The following RBFOX1 variants were observed in gnomAD, a reference collection of about 807,000 sequenced individuals.
The protein encoded by RBFOX1 is RNA binding protein fox-1 homolog 1.
Under a neutral mutation model 57.7 loss-of-function variants are expected in RBFOX1, and 8 were observed. The observed-to-expected ratio is 0.14, with a 90% CI of 0.08 to 0.25. The LOEUF (loss-of-function observed/expected upper bound fraction) is 0.25. Ranked by LOEUF, RBFOX1 falls within the 10% of genes least tolerant of loss-of-function variation. The pLI is 1.00. For missense variants in RBFOX1, 611 were observed against 548.5 expected, an observed-to-expected ratio of 1.11 and a Z score of -1.14; for synonymous variants, 326 against 222.4, an observed-to-expected ratio of 1.47 and a Z score of -4.15.
intron 3 of RBFOX1, among the ~76,000 whole-genome samples, chr16:6,668,553 A>G (rs1416873448): frequency 6.6e-6 from 1 of 152,210 alleles, no homozygotes; most frequent in East Asian, 1.9e-4. Flanking sequence ...AGAGCTTTAT[A>G]TCAGGCATGG....
At chr16:7,675,786 C>A (rs564556350) in intron 13 of RBFOX1, among the ~76,000 whole-genome samples, 83 of 152,284 alleles carry the variant, frequency 5.5e-4, no homozygotes, top group African/African-American at 1.8e-3. Flanking sequence ...AGGACACTTA[C>A]CTCAGAGGAT....
chr16:6,587,105 T>C (rs2160177), intron 2 of RBFOX1, among the ~76,000 whole-genome samples: 1 of 151,918 alleles, frequency 6.6e-6, no homozygotes, highest in Non-Finnish European at 1.5e-5. Flanking sequence ...GTCACCATGA[T>C]GTACAACAGG....
rs574869630 is a variant in RBFOX1, at chr16:6,482,512, G to C, written c.-64+165455G>C. ...ATGAGGACTTCTTGGGAAAATAACA[G>C]GAAAATTACTTTGATGATATTATTA... On this transcript the variant is annotated intron_variant, in intron 2 of 15. Coordinates refer to ENST00000550418, the MANE Select transcript of RBFOX1 (RefSeq NM_018723.4). Among the ~76,000 whole-genome samples, 4 of 152,252 alleles carry C rather than the reference G, an allele frequency of 2.6e-5. 1 individual carries two copies. Among genetic ancestry groups the C allele is most frequent in the African/African-American group, 9.6e-5 (4 of 41,544 alleles).
intron 3 of RBFOX1, among the ~76,000 whole-genome samples, chr16:5,830,453 C>T (rs2056225537): frequency 6.6e-6 from 1 of 151,634 alleles, no homozygotes; most frequent in South Asian, 2.1e-4. Context: ...AGACTCGCCA[C>T]TGAGGGAAAG....
At chr16:6,199,956 C>G (rs910461794) in intron 1 of RBFOX1, among the ~76,000 whole-genome samples, 1 of 152,134 alleles carries the variant, frequency 6.6e-6, no homozygotes, top group Non-Finnish European at 1.5e-5. Flanking sequence ...GCTGGATGTT[C>G]ACCGACAGCC....
intron 3 of RBFOX1, among the ~76,000 whole-genome samples, chr16:6,687,890 G>C (rs970363277): frequency 6.6e-6 from 1 of 152,182 alleles, no homozygotes. Flanking sequence ...ATGACACAGT[G>C]AATGCATGTT....
chr16:5,943,034 C>T (rs1220789720), intron 4 of RBFOX1, among the ~76,000 whole-genome samples: 2 of 152,128 alleles, frequency 1.3e-5, no homozygotes, highest in East Asian at 3.9e-4. Context: ...GTATGGGGGG[C>T]CATGACCCCA....
chr16:5,819,000 C>A (rs565240949), intron 3 of RBFOX1, among the ~76,000 whole-genome samples: 1 of 152,198 alleles, frequency 6.6e-6, no homozygotes, highest in African/African-American at 2.4e-5. Flanking sequence ...CTGTCCTTCT[C>A]CTCCTCTGCT....
intron 2 of RBFOX1, among the ~76,000 whole-genome samples, chr16:6,521,717 A>G (rs769329842): frequency 2.6e-5 from 4 of 152,152 alleles, no homozygotes; most frequent in Non-Finnish European, 5.9e-5. Flanking sequence ...AACAAGAAAA[A>G]AAAATTGCAA....
rs911185555 is a variant in RBFOX1, at chr16:6,265,230, A to AT, written c.-126-51755dup. ...CCCTCGGGCCTCTCCAAGTGGCCCT[A>AT]TTTTTTTTTTGACATTTTGTTTTTT... On this transcript the variant is annotated intron_variant, in intron 1 of 15. Coordinates refer to ENST00000550418, the MANE Select transcript of RBFOX1 (RefSeq NM_018723.4). Among the ~76,000 whole-genome samples the AT allele has an allele frequency of 3.2e-3, 470 of 148,974 alleles. 3 individuals are homozygous for AT. Among genetic ancestry groups the AT allele is most frequent in the African/African-American group, 0.01 (415 of 40,746 alleles).
At chr16:6,556,992 CATACATATATATACATATAT>C (rs71145247) in intron 2 of RBFOX1, among the ~76,000 whole-genome samples, 322 of 139,966 alleles carry the variant, frequency 2.3e-3, no homozygotes, top group Admixed American at 7.2e-3. Context: ...CGTATATATA[CATACATATATATACATATAT>C]ATACATATAT....
intron 3 of RBFOX1, among the ~76,000 whole-genome samples, chr16:6,694,592 A>G (rs1237310585): frequency 6.6e-6 from 1 of 150,536 alleles, no homozygotes; most frequent in Admixed American, 6.6e-5. Context: ...GGGTGCAGGA[A>G]CTCAGTCTCA....
chr16:7,537,355 GTAATT>G (rs2081735620), intron 5 of RBFOX1, among the ~76,000 whole-genome samples: 1 of 152,204 alleles, frequency 6.6e-6, no homozygotes, highest in Admixed American at 6.5e-5. Context: ...ATAGTCCCTT[GTAATT>G]TAATTCTGAG....
intron 3 of RBFOX1, among the ~76,000 whole-genome samples, chr16:5,743,109 G>A (rs977016819): frequency 8.6e-5 from 13 of 152,030 alleles, no homozygotes; most frequent in Admixed American, 7.2e-4. Flanking sequence ...TCACACTAAC[G>A]GTGAGTATTC....
chr16:6,103,325 G>T (rs2096337446), intron 1 of RBFOX1, among the ~76,000 whole-genome samples: 1 of 152,024 alleles, frequency 6.6e-6, no homozygotes, highest in Non-Finnish European at 1.5e-5. Flanking sequence ...AAGTGATAAT[G>T]GTATTCCCTT....
intron 2 of RBFOX1, among the ~76,000 whole-genome samples, chr16:6,612,962 G>T (rs866928237): frequency 2.6e-5 from 4 of 151,644 alleles, no homozygotes; most frequent in Admixed American, 6.6e-5. Flanking sequence ...CCCCCGTACA[G>T]TTCACGTGCC....
chr16:6,270,398 T>C (rs1407092639), intron 1 of RBFOX1, among the ~76,000 whole-genome samples: 1 of 147,720 alleles, frequency 6.8e-6, no homozygotes, highest in Non-Finnish European at 1.5e-5. Flanking sequence ...AGATAGAGTA[T>C]GGAAACATCA....
intron 4 of RBFOX1, among the ~76,000 whole-genome samples, chr16:7,173,156 CTT>C (rs2081033931): frequency 1.3e-5 from 2 of 152,126 alleles, no homozygotes; most frequent in Admixed American, 1.3e-4. Context: ...ATTTTCTTGA[CTT>C]ATAACAAAAA....
intron 2 of RBFOX1, among the ~76,000 whole-genome samples, chr16:6,467,280 T>G (rs927256213): frequency 2.6e-5 from 4 of 151,786 alleles, no homozygotes; most frequent in African/African-American, 4.8e-5. Context: ...TTAATCCATA[T>G]TTAATAAATT....
Sources: allele counts gnomAD v4.1 joint callset (sites outside exome capture counted in the v4.1 genomes callset), GRCh38; gene constraint gnomAD v4.1.1; transcripts MANE v1.5; gene names NCBI Gene and HGNC (gene_info 2026-07-23, HGNC 2026-07-21).